Variants in FRMD5 observed in about 807,000 individuals in gnomAD.
The protein encoded by FRMD5 is FERM domain containing 5.
Under a neutral mutation model 69.0 loss-of-function variants are expected in FRMD5, and 20 were observed. The observed-to-expected ratio is 0.29, with a 90% CI of 0.20 to 0.42. FRMD5 has a LOEUF of 0.42. Among genes scored for constraint, FRMD5 ranks in the 10% least tolerant of loss-of-function variants. The pLI, the probability that FRMD5 is intolerant of heterozygous loss-of-function variation, is 1.00. For synonymous variants in FRMD5, 271 were observed against 260.1 expected (o/e 1.04, Z -0.40); for missense variants, 595 against 708.6 (o/e 0.84, Z 1.82).
chr15:44,048,313 A>C (rs1237831033), intron 1 of FRMD5, among the ~76,000 whole-genome samples: 1 of 152,134 alleles, frequency 6.6e-6, no homozygotes. Context: ...CCTATGACTA[A>C]TGATGTGGAA....
Position 43,873,029 on chromosome 15 carries a change from T to G in FRMD5, c.*856A>C, listed in dbSNP as rs1247025528. On this transcript the variant is annotated 3_prime_UTR_variant, in exon 14 of 14. Transcript: ENST00000417257. ...TTCTGACAGAACTATCTATCTCTGG[T>G]ACCACTGAATTCGTTTAACGCCCCT... 3 of 670,584 alleles carry G rather than the reference T, an allele frequency of 4.5e-6. No homozygotes were observed. The African/African-American group carries it at 5.5e-5, about 12-fold the overall frequency. 41.5% of individuals were successfully genotyped at this position (670,584 alleles called of 1,614,324 possible). A position where few individuals can be genotyped will look rare whatever the true frequency, so the allele number is the denominator to read the frequency against.
At chr15:44,148,618 G>A (rs888358203) in intron 1 of FRMD5, among the ~76,000 whole-genome samples, 6 of 151,950 alleles carry the variant, frequency 3.9e-5, no homozygotes, top group African/African-American at 1.4e-4. Context: ...CCTGTGTCAA[G>A]CAAGTCTATC....
At chr15:44,008,747 C>T (rs1311840177) in intron 1 of FRMD5, among the ~76,000 whole-genome samples, 1 of 152,086 alleles carries the variant, frequency 6.6e-6, no homozygotes, top group Non-Finnish European at 1.5e-5. Context: ...GCTTCCCAGG[C>T]CAGGCGCAGT....
At chr15:44,139,906 T>C (rs2077243064) in intron 1 of FRMD5, among the ~76,000 whole-genome samples, 1 of 152,102 alleles carries the variant, frequency 6.6e-6, no homozygotes, top group South Asian at 2.1e-4. Flanking sequence ...TGGGAGACTT[T>C]AATACTGTGT....
At chr15:44,056,897 C>A (rs1381560169) in intron 1 of FRMD5, among the ~76,000 whole-genome samples, 1 of 152,114 alleles carries the variant, frequency 6.6e-6, no homozygotes, top group Non-Finnish European at 1.5e-5. Flanking sequence ...GGAAATCTTC[C>A]CTGTTGACTA....
chr15:44,131,588 C>T (rs1320471670), intron 1 of FRMD5, among the ~76,000 whole-genome samples: 20 of 152,128 alleles, frequency 1.3e-4, no homozygotes, highest in Non-Finnish European at 2.5e-4. Context: ...GATATACATA[C>T]AATGGAATAT....
chr15:44,085,150 G>C (rs1894146102), intron 1 of FRMD5, among the ~76,000 whole-genome samples: 1 of 152,064 alleles, frequency 6.6e-6, no homozygotes, highest in South Asian at 2.1e-4. Context: ...AAGGTGAACA[G>C]GTATTCCAAA....
intron 1 of FRMD5, among the ~76,000 whole-genome samples, chr15:44,020,385 T>C (rs2114420): frequency 0.82 from 125,334 of 152,164 alleles, 54,483 homozygotes; most frequent in Non-Finnish European, 0.95. Flanking sequence ...AGAAGTTATA[T>C]ATCTTCATTT....
At chr15:44,197,043 A>G (rs2078314062), upstream of FRMD5, among the ~76,000 whole-genome samples, 1 of 152,164 alleles carries the variant, frequency 6.6e-6, no homozygotes, top group African/African-American at 2.4e-5. Context: ...GTTGAACTGA[A>G]TACAAAAATT....
intron 1 of FRMD5, among the ~76,000 whole-genome samples, chr15:44,168,882 C>T (rs1048946158): frequency 3.3e-5 from 5 of 152,136 alleles, no homozygotes; most frequent in Non-Finnish European, 4.4e-5. Context: ...ATCCTAACAC[C>T]CACCTGCTGC....
chr15:43,951,112 T>C (rs1055304562), intron 1 of FRMD5, among the ~76,000 whole-genome samples: 4 of 152,186 alleles, frequency 2.6e-5, no homozygotes, highest in Non-Finnish European at 5.9e-5. Context: ...TCTGTTCTTC[T>C]ACCATTAGAA....
At chr15:43,934,244 T>C (rs184739825) in intron 1 of FRMD5, among the ~76,000 whole-genome samples, 1 of 152,274 alleles carries the variant, frequency 6.6e-6, no homozygotes, top group Admixed American at 6.5e-5. Context: ...GGCAGGGAGT[T>C]TGGGGCAGGA....
At chr15:44,107,992 C>G (rs1368909175) in intron 1 of FRMD5, among the ~76,000 whole-genome samples, 1 of 152,070 alleles carries the variant, frequency 6.6e-6, no homozygotes, top group Non-Finnish European at 1.5e-5. Context: ...GTCATGTGCA[C>G]TGAGGTCAAA....
At chr15:44,036,063 G>A (rs560331091) in intron 1 of FRMD5, among the ~76,000 whole-genome samples, 1 of 152,250 alleles carries the variant, frequency 6.6e-6, no homozygotes, top group South Asian at 2.1e-4. Flanking sequence ...TGCGTCATAT[G>A]TCACAAAAAT....
chr15:44,197,843 G>A (rs982636551), upstream of FRMD5, among the ~76,000 whole-genome samples: 1 of 152,126 alleles, frequency 6.6e-6, no homozygotes, highest in African/African-American at 2.4e-5. Context: ...TTTTTAACAG[G>A]TTATCCAAAT....
At chr15:44,115,269 CATGTAATAA>C (rs1476004186) in intron 1 of FRMD5, among the ~76,000 whole-genome samples, 3 of 152,132 alleles carry the variant, frequency 2.0e-5, no homozygotes, top group Non-Finnish European at 2.9e-5. Context: ...ACATGTAATA[CATGTAATAA>C]GCCAGTAATA....
chr15:43,928,478 G>C (rs750918896), intron 1 of FRMD5, among the ~76,000 whole-genome samples: 1 of 152,214 alleles, frequency 6.6e-6, no homozygotes, highest in African/African-American at 2.4e-5. Context: ...AGTGGCCTGA[G>C]GCAGCACTGG....
At chr15:43,879,923 G>A in intron 13 of FRMD5, 2 of 336,072 alleles carry the variant, frequency 6.0e-6, no homozygotes, top group Non-Finnish European at 1.1e-5. Flanking sequence ...GTTATCAGGG[G>A]ACTGGATTTA....
At chr15:44,039,286 G>A (rs912201822) in intron 1 of FRMD5, among the ~76,000 whole-genome samples, 1 of 152,218 alleles carries the variant, frequency 6.6e-6, no homozygotes, top group African/African-American at 2.4e-5. Context: ...GCTCTTAAGA[G>A]AGCAGCAGAT....
Sources: allele counts gnomAD v4.1 joint callset (sites outside exome capture counted in the v4.1 genomes callset), GRCh38; gene constraint gnomAD v4.1.1; transcripts MANE v1.5; gene names NCBI Gene and HGNC (gene_info 2026-07-23, HGNC 2026-07-21).